STK32A: variants seen among roughly 807,000 people sequenced by gnomAD.
The protein encoded by STK32A is serine/threonine kinase 32A.
In STK32A, 41 loss-of-function variants were observed where a neutral mutation model predicts 53.2. The ratio of observed to expected loss-of-function variants is 0.77; its 90% CI spans 0.60 to 1.00. The LOEUF is 1.00. Among genes scored for constraint, STK32A ranks in the 50% least tolerant of loss-of-function variants. The probability of loss-of-function intolerance (pLI) is 0.00; values close to 1 mark genes in which losing one functional copy is unlikely to be tolerated. For missense variants in STK32A, 458 were observed against 485.8 expected, an observed-to-expected ratio of 0.94 and a Z score of 0.54; for synonymous variants, 166 against 162.8, an observed-to-expected ratio of 1.02 and a Z score of -0.15.
At chr5:147,278,627 T>C (rs1045262267) in intron 3 of STK32A, among the ~76,000 whole-genome samples, 8 of 152,220 alleles carry the variant, frequency 5.3e-5, no homozygotes, top group African/African-American at 1.9e-4. Flanking sequence ...ACATATTCAG[T>C]TTAATTTTTT....
chr5:147,379,384 A>G (rs1390332000), intron 11 of STK32A, among the ~76,000 whole-genome samples: 1 of 152,062 alleles, frequency 6.6e-6, no homozygotes, highest in African/African-American at 2.4e-5. Context: ...GAAGAACATA[A>G]CTAAAGTTTT....
At chr5:147,320,344 C>T (rs564242274) in intron 4 of STK32A, among the ~76,000 whole-genome samples, 3 of 152,236 alleles carry the variant, frequency 2.0e-5, no homozygotes, top group South Asian at 2.1e-4. Flanking sequence ...ACTCTTTTGG[C>T]TTATTTGGTA....
chr5:147,316,262 A>G (rs1203920118), intron 4 of STK32A, among the ~76,000 whole-genome samples: 1 of 152,238 alleles, frequency 6.6e-6, no homozygotes, highest in Non-Finnish European at 1.5e-5. Context: ...GTAAACTGAA[A>G]GCATTATTAT....
At chr5:147,323,753 A>G (rs1754434267) in intron 4 of STK32A, 145 bp from the exon 5 acceptor site, 3 of 615,100 alleles carry the variant, frequency 4.9e-6, no homozygotes, top group Middle Eastern at 4.3e-4. Flanking sequence ...CTAAGGTGAT[A>G]GAGCTAGTGA....
At chr5:147,396,388 T>G in the STK32A span, among the ~76,000 whole-genome samples, 1 of 151,994 alleles carries the variant, frequency 6.6e-6, no homozygotes, top group African/African-American at 2.4e-5. Flanking sequence ...ACACGGTACC[T>G]CCTGCAAAGG....
At chr5:147,353,236 G>T (rs1381320887) in intron 7 of STK32A, among the ~76,000 whole-genome samples, 1 of 152,194 alleles carries the variant, frequency 6.6e-6, no homozygotes, top group African/African-American at 2.4e-5. Context: ...CTCCATACCG[G>T]GGTGGCTGAA....
chr5:147,372,048 T>C (rs902191514), intron 9 of STK32A, among the ~76,000 whole-genome samples: 1 of 152,142 alleles, frequency 6.6e-6, no homozygotes, highest in Admixed American at 6.5e-5. Flanking sequence ...GTAGGGACCA[T>C]GTCTGACATG....
chr5:147,387,694 T>C lies in STK32A; in HGVS notation c.*3711T>C, dbSNP rs952595640. 2 of 152,266 alleles carry C rather than the reference T, an allele frequency of 1.3e-5. No individual in the cohort carries two copies. Among genetic ancestry groups the C allele is most frequent in the Non-Finnish European group, 2.9e-5 (2 of 68,046 alleles). The allele number at this position is 152,266 out of a possible 1,614,324, so 9.4% of individuals were successfully genotyped here. On this transcript the variant is annotated 3_prime_UTR_variant, in exon 13 of 13. Coordinates refer to ENST00000397936, the MANE Select transcript of STK32A (RefSeq NM_001112724.2). ...ACAAATTCAGTGTGTCTGACTGATA[T>C]TAAACACTGATATTAAAATTTCAAA...
chr5:147,274,684 C>A (rs578222288), intron 2 of STK32A, among the ~76,000 whole-genome samples: 1 of 152,168 alleles, frequency 6.6e-6, no homozygotes, highest in Non-Finnish European at 1.5e-5. Context: ...CTAGTAAAAG[C>A]AGTTAGTTCC....
chr5:147,244,172 A>T (rs950980359), intron 2 of STK32A, among the ~76,000 whole-genome samples: 2 of 152,186 alleles, frequency 1.3e-5, no homozygotes, highest in Non-Finnish European at 2.9e-5. Context: ...TTCATTTAGC[A>T]TATATTTTTA....
intron 2 of STK32A, among the ~76,000 whole-genome samples, chr5:147,252,460 T>C (rs2053034): frequency 0.24 from 36,914 of 152,050 alleles, 4,523 homozygotes; most frequent in Admixed American, 0.3. Flanking sequence ...GTAGTCCTGA[T>C]ATGATATCGA....
intron 6 of STK32A, 58 bp downstream of exon 6, chr5:147,343,101 G>T: frequency 1.9e-6 from 3 of 1,570,464 alleles, no homozygotes; most frequent in Non-Finnish European, 2.6e-6. Context: ...AAAGTTGATT[G>T]TTCCCAGCAG....
chr5:147,387,451 T>C lies in STK32A; in HGVS notation c.*3468T>C, dbSNP rs189777619. On this transcript the variant is annotated 3_prime_UTR_variant, in exon 13 of 13. Transcript: ENST00000397936. ...GTTCTATTATCATAGCTTTTGTAGATTGGATGGAAGAATAAGTAGGAAGAA... is the reference window on the plus strand; with the variant it reads ...GTTCTATTATCATAGCTTTTGTAGACTGGATGGAAGAATAAGTAGGAAGAA... 6.6e-6 allele frequency: 1 copy of C among 152,344 alleles called. No individual in the cohort carries two copies. Among genetic ancestry groups the C allele is most frequent in the East Asian group, 1.9e-4 (1 of 5,194 alleles). 9.4% of individuals were successfully genotyped at this position (152,344 alleles called of 1,614,324 possible). A position where few individuals can be genotyped will look rare whatever the true frequency, so the allele number is the denominator to read the frequency against.
At chr5:147,374,634 T>C (rs2152005100) in intron 10 of STK32A, among the ~76,000 whole-genome samples, 1 of 152,246 alleles carries the variant, frequency 6.6e-6, no homozygotes, top group African/African-American at 2.4e-5. Context: ...CAAAAGAAGT[T>C]CTACGTTATG....
intron 2 of STK32A, among the ~76,000 whole-genome samples, chr5:147,272,874 C>G (rs1561684450): frequency 6.6e-6 from 1 of 152,198 alleles, no homozygotes; most frequent in African/African-American, 2.4e-5. Context: ...TAAGGTTACA[C>G]AGCTGGTGTC....
At chr5:147,332,285 C>T (rs1459328865) in intron 5 of STK32A, among the ~76,000 whole-genome samples, 4 of 150,960 alleles carry the variant, frequency 2.6e-5, no homozygotes, top group Non-Finnish European at 4.4e-5. Context: ...TTAATGTTGC[C>T]AGAGACTGTC....
At chr5:147,279,451 T>A in intron 4 of STK32A, 53 bp downstream of exon 4, 4 of 1,508,180 alleles carry the variant, frequency 2.7e-6, no homozygotes, top group South Asian at 1.3e-5. Flanking sequence ...ATCGGTGGGC[T>A]AGGGGAGGTC....
rs370230926 is a variant in STK32A, at chr5:147,279,261, G to C, written c.123G>C (p.Gln41His). ...KGSFGKVCIV[Q>H]KNDTKKMYAM... ...TTCACCATTAGGTCTGCATTGTACA[G>C]AAGAATGATACCAAGAAGATGTACG... is the stretch of plus-strand genomic sequence containing the variant. Residue 41 changes from glutamine (Q) to histidine (H), a missense_variant, in exon 4 of 13, where the codon CAG (glutamine) becomes CAC (histidine). Coordinates refer to ENST00000397936, the MANE Select transcript of STK32A (RefSeq NM_001112724.2). 7.4e-6 allele frequency: 12 copies of C among 1,613,656 alleles called. No homozygotes were observed. The highest frequency in any genetic ancestry group is 9.3e-6 in the Non-Finnish European group (11 of 1,179,776).
intron 8 of STK32A, among the ~76,000 whole-genome samples, chr5:147,366,436 C>G (rs1323320542): frequency 6.6e-6 from 1 of 152,206 alleles, no homozygotes; most frequent in Non-Finnish European, 1.5e-5. Context: ...AAAGGACACA[C>G]TATTAAACTA....
Sources: gnomAD v4.1 joint callset for allele counts (sites outside exome capture counted in the v4.1 genomes callset) on GRCh38, gnomAD v4.1.1 for gene constraint, MANE v1.5 for transcripts, NCBI Gene and HGNC (gene_info 2026-07-23, HGNC 2026-07-21) for gene names.